ARSG: variants seen among roughly 807,000 people sequenced by gnomAD.
The protein encoded by ARSG is arylsulfatase G.
ARSG carries 37 observed loss-of-function variants against 50.5 expected under a neutral mutation model. That is an observed-to-expected ratio of 0.73 (90% confidence interval 0.56 to 0.96). The LOEUF (loss-of-function observed/expected upper bound fraction) is 0.96. ARSG is among the 50% of genes least tolerant of loss of function. The probability of loss-of-function intolerance (pLI) is 0.00; values close to 1 mark genes in which losing one functional copy is unlikely to be tolerated. For synonymous variants in ARSG, 225 were observed against 254.6 expected (o/e 0.88, Z 1.11); for missense variants, 629 against 675.3 (o/e 0.93, Z 0.76).
Position 68,271,775 on chromosome 17 carries a change from T to C in ARSG, c.-552+12349T>C. The C allele has an allele frequency of 1.4e-6, 1 of 721,958 alleles. No individual in the cohort carries two copies. Among genetic ancestry groups the C allele is most frequent in the Non-Finnish European group, 2.3e-6 (1 of 435,956 alleles). 44.7% of individuals were successfully genotyped at this position (721,958 alleles called of 1,614,324 possible). A position where few individuals can be genotyped will look rare whatever the true frequency, so the allele number is the denominator to read the frequency against. On this transcript the variant is annotated intron_variant, in intron 1 of 11. Coordinates refer to the ARSG transcript ENST00000448504. This position sits in a 1 kb window ranked among gnomAD's most constrained non-coding sequence, Gnocchi z 5.3. ...TGTTATAAGTTCTGTGGAAATTTAT[T>C]ATACTCAGCAGTATGAATGTACTCA...
chr17:68,441,589 G>A, the ARSG span, among the ~76,000 whole-genome samples: 1 of 152,202 alleles, frequency 6.6e-6, no homozygotes, highest in Non-Finnish European at 1.5e-5. Context: ...GTTCCCGAGT[G>A]AGGACCTGGT....
At chr17:68,429,658 G>A in the ARSG span, among the ~76,000 whole-genome samples, 8 of 151,930 alleles carry the variant, frequency 5.3e-5, no homozygotes, top group Non-Finnish European at 8.8e-5. Context: ...GCATGATCTC[G>A]GCTCACTGCA....
At chr17:68,285,947 G>A (rs1239706993) in intron 1 of ARSG, among the ~76,000 whole-genome samples, 2 of 152,086 alleles carry the variant, frequency 1.3e-5, no homozygotes, top group Non-Finnish European at 2.9e-5. Context: ...TTTTAGTAGA[G>A]ACAGGGTTTC....
chr17:68,272,330 A>G (rs557205591), intron 1 of ARSG, among the ~76,000 whole-genome samples: 13 of 152,324 alleles, frequency 8.5e-5, no homozygotes. Flanking sequence ...TCTTTTGAAA[A>G]ACGAGAGGAC....
At chr17:68,450,216 C>T in the ARSG span, among the ~76,000 whole-genome samples, 43 of 152,180 alleles carry the variant, frequency 2.8e-4, no homozygotes, top group Admixed American at 5.2e-4. Flanking sequence ...AAATGAGAAC[C>T]CAAGGCTGAA....
chr17:68,426,151 A>G (rs77156594), downstream of ARSG: 1,395 of 1,598,536 alleles, frequency 8.7e-4, 5 homozygotes, highest in Middle Eastern at 4.1e-3. Context: ...TTCTCCTCGC[A>G]GCGCCCCGCC....
rs558339329 is a variant in ARSG, at chr17:68,413,814, T to A, written c.1304-6375T>A. ...GAGCCAGGTAAGGGATGTAATCTCC[T>A]GGTGCGCCGTTTTTTAAGCCTGTCG... is the stretch of plus-strand genomic sequence containing the variant. On this transcript the variant is annotated intron_variant, in intron 11 of 11. Transcript: ENST00000621439. 105 of 154,624 alleles carry A rather than the reference T, an allele frequency of 6.8e-4. No individual in the cohort carries two copies. The Middle Eastern group carries it at 0.013, about 19-fold the overall frequency. The allele number at this position is 154,624 out of a possible 1,614,324, so 9.6% of individuals were successfully genotyped here. A position where few individuals can be genotyped will look rare whatever the true frequency, so the allele number is the denominator to read the frequency against.
chr17:68,317,822 G>A (rs1222638543), intron 2 of ARSG, among the ~76,000 whole-genome samples: 7 of 152,230 alleles, frequency 4.6e-5, no homozygotes, highest in Non-Finnish European at 8.8e-5. Context: ...CAATTGGCCA[G>A]GCGCAGCAGC....
At position 68,271,443 on chromosome 17, in the gene ARSG, G is replaced by A; in HGVS notation, c.-552+12017G>A. The A allele has an allele frequency of 6.2e-7, 1 of 1,614,184 alleles. No homozygotes were observed. The highest frequency in any genetic ancestry group is 1.3e-5 in the African/African-American group (1 of 75,052). ...GTGAGGTAGTTAGTTCTACTCCTGA[G>A]TCAATGGAGTCTATTGAGGTTCGTG... is the stretch of plus-strand genomic sequence containing the variant. On this transcript the variant is annotated intron_variant, in intron 1 of 11. Coordinates refer to the ARSG transcript ENST00000448504. The surrounding 1 kb of genome is among the most constrained non-coding windows in gnomAD (Gnocchi z 5.3).
chr17:68,342,166 C>T lies in ARSG; in HGVS notation c.219-1438C>T, dbSNP rs117068461. ...TAATAGTTATGTTCTATCAAGCCACCGTGAGTACTGAATTGGGGAATACTG... is the reference window on the plus strand; with the variant it reads ...TAATAGTTATGTTCTATCAAGCCACTGTGAGTACTGAATTGGGGAATACTG... On this transcript the variant is annotated intron_variant, in intron 2 of 11. Coordinates refer to ENST00000621439, the MANE Select transcript of ARSG (RefSeq NM_001267727.2). 3.1e-3 allele frequency among the ~76,000 whole-genome samples: 470 copies of T among 152,084 alleles called. 21 individuals carry two copies. In the East Asian group the frequency reaches 0.081, roughly 26 times the overall value.
At chr17:68,388,265 G>A (rs533855320) in intron 9 of ARSG, among the ~76,000 whole-genome samples, 1 of 152,234 alleles carries the variant, frequency 6.6e-6, no homozygotes, top group South Asian at 2.1e-4. Flanking sequence ...TGGCGTGGTC[G>A]GCATTTTGGG....
At chr17:68,370,266 C>G (rs879280157) in intron 7 of ARSG, among the ~76,000 whole-genome samples, 178 bp from the exon 8 acceptor site, 1 of 152,136 alleles carries the variant, frequency 6.6e-6, no homozygotes. Context: ...CTGCTTGCCT[C>G]CGCCTCCCAA....
chr17:68,297,696 G>T (rs2076256358), intron 1 of ARSG, among the ~76,000 whole-genome samples: 1 of 152,160 alleles, frequency 6.6e-6, no homozygotes, highest in Non-Finnish European at 1.5e-5. Flanking sequence ...GGAACTCCTG[G>T]GGTCAGGTGA....
chr17:68,266,225 T>C (rs2075156051), intron 1 of ARSG, among the ~76,000 whole-genome samples: 1 of 152,038 alleles, frequency 6.6e-6, no homozygotes, highest in Non-Finnish European at 1.5e-5. Context: ...TTCATTTGAT[T>C]ATATTGTTTA....
chr17:68,291,722 T>C (rs1348068446), intron 1 of ARSG, among the ~76,000 whole-genome samples, 154 bp downstream of exon 1: 47 of 151,538 alleles, frequency 3.1e-4, no homozygotes, highest in Admixed American at 1.0e-3. Context: ...AGCGCGAGCG[T>C]GCAGGGTGTT....
intron 2 of ARSG, among the ~76,000 whole-genome samples, chr17:68,318,580 C>T (rs1348313473): frequency 2.0e-5 from 3 of 152,252 alleles, no homozygotes; most frequent in African/African-American, 4.8e-5. Context: ...AGCCCAGATA[C>T]TTCCCATTTG....
chr17:68,401,729 T>C (rs1431771380), intron 11 of ARSG, among the ~76,000 whole-genome samples: 1 of 152,234 alleles, frequency 6.6e-6, no homozygotes, highest in Non-Finnish European at 1.5e-5. Context: ...GAGCATTTCC[T>C]ATTGTCGTGC....
chr17:68,419,170 C>A (rs2082589223), intron 11 of ARSG, among the ~76,000 whole-genome samples: 1 of 152,128 alleles, frequency 6.6e-6, no homozygotes, highest in South Asian at 2.1e-4. Flanking sequence ...AAATGACTCA[C>A]CTGCCTTTCT....
At chr17:68,427,011 GAA>G, downstream of ARSG, 1 of 760,514 alleles carries the variant, frequency 1.3e-6, no homozygotes, top group East Asian at 2.5e-5. Context: ...AGTGAAGGGG[GAA>G]GGGGAGGGAG....
Sources: gnomAD v4.1 joint callset for allele counts (sites outside exome capture counted in the v4.1 genomes callset) on GRCh38, gnomAD v4.1.1 for gene constraint, Gnocchi (gnomAD v3.1) non-coding constraint, MANE v1.5 for transcripts, NCBI Gene and HGNC (gene_info 2026-07-23, HGNC 2026-07-21) for gene names.